MAN2A1: variants seen among roughly 807,000 people sequenced by gnomAD.
MAN2A1 encodes mannosidase alpha class 2A member 1.
MAN2A1 carries 76 observed loss-of-function variants against 142.6 expected under a neutral mutation model. The observed-to-expected ratio is 0.53, with a 90% CI of 0.44 to 0.65. The LOEUF is 0.65. MAN2A1 is among the 30% of genes least tolerant of loss of function. MAN2A1 has a pLI of 0.00. For synonymous variants in MAN2A1, 559 were observed against 473.2 expected (o/e 1.18, Z -2.35); for missense variants, 1,311 against 1,365.1 (o/e 0.96, Z 0.62).
intron 4 of MAN2A1, among the ~76,000 whole-genome samples, chr5:109,740,321 A>G (rs1582846016): frequency 6.6e-6 from 1 of 152,348 alleles, no homozygotes; most frequent in Non-Finnish European, 1.5e-5. Context: ...CTGGAAAAGG[A>G]GTGCCCCATC....
intron 4 of MAN2A1, among the ~76,000 whole-genome samples, chr5:109,732,545 T>C (rs1460405802): frequency 1.3e-5 from 2 of 152,062 alleles, no homozygotes; most frequent in African/African-American, 2.4e-5. Context: ...TTGTATAAGG[T>C]TTAAGGAAGG....
intron 4 of MAN2A1, among the ~76,000 whole-genome samples, chr5:109,737,202 C>A (rs1328843988): frequency 6.7e-6 from 1 of 148,734 alleles, no homozygotes; most frequent in African/African-American, 2.5e-5. Context: ...AAGCGGTTCT[C>A]CTCCTTCAGT....
intron 19 of MAN2A1, 50 bp downstream of exon 19, chr5:109,847,840 C>T: frequency 7.5e-7 from 1 of 1,331,042 alleles, no homozygotes; most frequent in Non-Finnish European, 9.8e-7. Flanking sequence ...CTTTGTCACC[C>T]AAAACTTGAA....
intron 20 of MAN2A1, among the ~76,000 whole-genome samples, chr5:109,861,783 A>C (rs147168947): frequency 0.011 from 1,660 of 152,282 alleles, 41 homozygotes; most frequent in African/African-American, 0.038. Context: ...GAGAGGGAGC[A>C]CTGAAAATGT....
chr5:109,833,398 G>A (rs984909222), intron 16 of MAN2A1, among the ~76,000 whole-genome samples: 5 of 152,118 alleles, frequency 3.3e-5, no homozygotes, highest in South Asian at 4.1e-4. Context: ...CTGAGTGAGC[G>A]AGACTCCATC....
chr5:109,726,641 T>C (rs1751752821), intron 3 of MAN2A1, among the ~76,000 whole-genome samples: 1 of 152,224 alleles, frequency 6.6e-6, no homozygotes, highest in Admixed American at 6.5e-5. Context: ...ACTCCCATGA[T>C]AAACTCTTTT....
chr5:109,840,618 G>T lies in MAN2A1; in HGVS notation c.2567-1710G>T, dbSNP rs575798058. The T allele has an allele frequency of 6.3e-6, 3 of 479,986 alleles. No individual in the cohort carries two copies. In the Admixed American group the frequency reaches 6.8e-5, roughly 11 times the overall value. The allele number at this position is 479,986 out of a possible 1,614,324, so 29.7% of individuals were successfully genotyped here. On this transcript the variant is annotated intron_variant, in intron 16 of 21. Transcript: ENST00000261483. The stretch of plus-strand genomic sequence containing the variant: ...ATCTTCTGCCTTTTCTGAGATGAAG[G>T]AGTCTCAGATTCCCTGGGACGTTTA...
Position 109,851,106 on chromosome 5 carries a change from C to G in MAN2A1, c.2976+3316C>G, listed in dbSNP as rs528077970. ...ATGGGAAGCCCTGAGCATGACAGAG[C>G]CTCATGGAAATAATCCCGAGCTGAC... On this transcript the variant is annotated intron_variant, in intron 19 of 21. Coordinates refer to ENST00000261483, the MANE Select transcript of MAN2A1 (RefSeq NM_002372.4). Among the ~76,000 whole-genome samples, 40 of 152,218 alleles carry G rather than the reference C, an allele frequency of 2.6e-4. No homozygotes were observed. The South Asian group carries it at 6.0e-3, about 23-fold the overall frequency.
At chr5:109,747,575 G>A (rs576927675) in intron 4 of MAN2A1, among the ~76,000 whole-genome samples, 1 of 151,954 alleles carries the variant, frequency 6.6e-6, no homozygotes, top group Non-Finnish European at 1.5e-5. Context: ...TTATACAAAG[G>A]TAACAAAGAG....
At chr5:109,813,657 TC>T (rs1367753453) in intron 12 of MAN2A1, among the ~76,000 whole-genome samples, 1 of 152,214 alleles carries the variant, frequency 6.6e-6, no homozygotes, top group African/African-American at 2.4e-5. Context: ...GCCTGTGTGC[TC>T]CCAGTCTGTT....
chr5:109,690,094 C>A lies in MAN2A1; in HGVS notation c.-324C>A, dbSNP rs1359605979. On this transcript the variant is annotated 5_prime_UTR_variant, in exon 1 of 22. Transcript: ENST00000261483. ...GAAGTGCGGGCAGCGACCTCTCCTC[C>A]GCCTGCCCCGCGCGCCCTGCCGGAG... 7.0e-6 allele frequency: 2 copies of A among 286,924 alleles called. No homozygotes were observed. Among genetic ancestry groups the A allele is most frequent in the Non-Finnish European group, 1.3e-5 (2 of 149,328 alleles). 17.8% of individuals were successfully genotyped at this position (286,924 alleles called of 1,614,324 possible).
At chr5:109,770,316 T>G in intron 6 of MAN2A1, 39 bp from the exon 7 acceptor site, 2 of 1,573,992 alleles carry the variant, frequency 1.3e-6, no homozygotes, top group Non-Finnish European at 1.7e-6. Flanking sequence ...GAAAACAGAT[T>G]TTATAAATGC....
rs560886664 is a variant in MAN2A1, at chr5:109,772,055, G to A, written c.1196+1514G>A. 1.2e-4 allele frequency among the ~76,000 whole-genome samples: 18 copies of A among 152,246 alleles called. No individual in the cohort carries two copies. The East Asian group carries it at 3.3e-3, about 28-fold the overall frequency. On this transcript the variant is annotated intron_variant, in intron 7 of 21. Transcript: ENST00000261483. The stretch of plus-strand genomic sequence containing the variant: ...TGAAAGTGATTTCCAGGCACCTGGG[G>A]GCATACTGTTGAATGAGTCTATATA...
intron 7 of MAN2A1, among the ~76,000 whole-genome samples, chr5:109,771,130 GT>G (rs1561503619): frequency 6.6e-6 from 1 of 152,034 alleles, no homozygotes; most frequent in Non-Finnish European, 1.5e-5. Context: ...GAAGAAAATT[GT>G]GCTAATGATG....
chr5:109,742,637 C>T lies in MAN2A1; in HGVS notation c.708-12692C>T, dbSNP rs565638863. Among the ~76,000 whole-genome samples, 6 of 152,164 alleles carry T rather than the reference C, an allele frequency of 3.9e-5. No homozygotes were observed. In the South Asian group the frequency reaches 6.2e-4, roughly 16 times the overall value. On this transcript the variant is annotated intron_variant, in intron 4 of 21. Coordinates refer to ENST00000261483, the MANE Select transcript of MAN2A1 (RefSeq NM_002372.4). ...TTCCTAAACAGACTAATTCATTATA[C>T]GTTTTATACAGGTTGGATTTTATGG...
chr5:109,809,408 G>A (rs943834861), intron 12 of MAN2A1, among the ~76,000 whole-genome samples: 4 of 151,838 alleles, frequency 2.6e-5, no homozygotes, highest in African/African-American at 4.8e-5. Flanking sequence ...CTTTCTGCCT[G>A]AAGACTTAAC....
At chr5:109,767,799 T>G (rs1302129168) in intron 6 of MAN2A1, 91 bp downstream of exon 6, 5 of 1,073,490 alleles carry the variant, frequency 4.7e-6, no homozygotes, top group Non-Finnish European at 5.3e-6. Context: ...TTTTGTTCAC[T>G]GTCAGTCTTG....
At chr5:109,809,134 T>C (rs1754252593) in intron 12 of MAN2A1, among the ~76,000 whole-genome samples, 1 of 152,160 alleles carries the variant, frequency 6.6e-6, no homozygotes, top group East Asian at 1.9e-4. Flanking sequence ...AAAATAATTA[T>C]AATGCTGCCA....
At position 109,835,777 on chromosome 5, in the gene MAN2A1, C is replaced by A. The variant is rs545561524; in HGVS notation, c.2567-6551C>A. ...TGAGTATATTCCTTGGAAAAGTATA[C>A]TTTGCATTTCAAAATAGCTAGAATA... On this transcript the variant is annotated intron_variant, in intron 16 of 21. Transcript: ENST00000261483. 4.6e-5 allele frequency among the ~76,000 whole-genome samples: 7 copies of A among 152,272 alleles called. No homozygotes were observed. The South Asian group carries it at 1.5e-3, about 32-fold the overall frequency.
Sources: allele counts gnomAD v4.1 joint callset (sites outside exome capture counted in the v4.1 genomes callset), GRCh38; gene constraint gnomAD v4.1.1; transcripts MANE v1.5; gene names NCBI Gene and HGNC (gene_info 2026-07-23, HGNC 2026-07-21).